Variants in RARB observed in about 807,000 individuals in gnomAD.
The protein encoded by RARB is HBV-activated protein.
In RARB, 17 loss-of-function variants were observed where a neutral mutation model predicts 51.9. The ratio of observed to expected loss-of-function variants is 0.33; its 90% CI spans 0.22 to 0.49. RARB has a LOEUF of 0.49. Ranked by LOEUF, RARB falls within the 20% of genes least tolerant of loss-of-function variation. The pLI, the probability that RARB is intolerant of heterozygous loss-of-function variation, is 0.99. For synonymous variants in RARB, 215 were observed against 195.4 expected (o/e 1.10, Z -0.84); for missense variants, 369 against 550.8 (o/e 0.67, Z 3.30).
chr3:25,318,990 A>C (rs530743495), intron 5 of RARB, among the ~76,000 whole-genome samples: 1 of 152,308 alleles, frequency 6.6e-6, no homozygotes, highest in African/African-American at 2.4e-5. Flanking sequence ...ATGTTTGATC[A>C]CTGAATAATT....
intron 2 of RARB, among the ~76,000 whole-genome samples, chr3:24,866,334 C>A (rs1012781378): frequency 6.6e-6 from 1 of 152,134 alleles, no homozygotes; most frequent in Admixed American, 6.5e-5. Context: ...CCACTCTACT[C>A]TCAACTCCTC....
intron 5 of RARB, among the ~76,000 whole-genome samples, chr3:25,182,511 A>T (rs1035961720): frequency 6.6e-6 from 1 of 152,152 alleles, no homozygotes; most frequent in Non-Finnish European, 1.5e-5. Flanking sequence ...CCCAAGGGGT[A>T]TAAAAGGGAC....
rs148770832 is a variant in RARB at position 25,147,127 on chromosome 3, T to C, written c.-280+14919T>C. Among the ~76,000 whole-genome samples, 249 of 152,288 alleles carry C rather than the reference T, an allele frequency of 1.6e-3. 1 individual carries two copies. The East Asian group carries it at 0.02, about 13-fold the overall frequency. On this transcript the variant is annotated intron_variant, in intron 4 of 11. Coordinates refer to the RARB transcript ENST00000383772. ...TAAACTCACGTGAAGATAAAATTCA[T>C]TGGGGGACACAATTTCCAGAGGTAT...
intron 5 of RARB, among the ~76,000 whole-genome samples, chr3:25,385,221 CTT>C (rs898094463): frequency 6.6e-6 from 1 of 152,188 alleles, no homozygotes; most frequent in Non-Finnish European, 1.5e-5. Context: ...GTCTCAAGCA[CTT>C]TTTCCTGACT....
chr3:25,027,733 C>A (rs1310173586), intron 2 of RARB, among the ~76,000 whole-genome samples: 1 of 152,040 alleles, frequency 6.6e-6, no homozygotes, highest in Non-Finnish European at 1.5e-5. Context: ...TATAAGTAAC[C>A]TATTTCAATG....
At chr3:24,997,339 C>G (rs1416459723) in intron 2 of RARB, among the ~76,000 whole-genome samples, 1 of 151,660 alleles carries the variant, frequency 6.6e-6, no homozygotes, top group African/African-American at 2.4e-5. Context: ...ACTTTCAGCA[C>G]ATGTGTGTCT....
At chr3:25,107,002 G>C (rs1252824439) in intron 3 of RARB, among the ~76,000 whole-genome samples, 1 of 152,002 alleles carries the variant, frequency 6.6e-6, no homozygotes, top group African/African-American at 2.4e-5. Flanking sequence ...CCGGGTTCAA[G>C]CAATTCTCCT....
rs868304041 is a variant in RARB at position 25,289,105 on chromosome 3, C to T, written c.178+114530C>T. ...CAGAGAAGCCTTTTCAGCTGTTTCACGTAGTGGATTAGAGCTCAGATTTAG... is the reference window on the plus strand; with the variant it reads ...CAGAGAAGCCTTTTCAGCTGTTTCATGTAGTGGATTAGAGCTCAGATTTAG... On this transcript the variant is annotated intron_variant, in intron 5 of 11. Transcript: ENST00000383772. Among the ~76,000 whole-genome samples, 14 of 152,194 alleles carry T rather than the reference C, an allele frequency of 9.2e-5. 1 individual carries two copies. The highest frequency in any genetic ancestry group is 1.9e-4 in the East Asian group (1 of 5,192).
intron 5 of RARB, among the ~76,000 whole-genome samples, chr3:25,246,858 G>A (rs867823732): frequency 6.6e-6 from 1 of 152,212 alleles, no homozygotes; most frequent in Non-Finnish European, 1.5e-5. Context: ...TGTGCTGGGA[G>A]ATCCACTGCT....
intron 2 of RARB, among the ~76,000 whole-genome samples, chr3:24,915,002 T>A (rs1291423700): frequency 6.6e-6 from 1 of 152,196 alleles, no homozygotes. Context: ...ATTATAGAGA[T>A]TGATATTGTT....
chr3:25,165,592 T>C (rs1222839046), intron 4 of RARB, among the ~76,000 whole-genome samples: 1 of 152,180 alleles, frequency 6.6e-6, no homozygotes, highest in Non-Finnish European at 1.5e-5. Context: ...ATATGTAGCA[T>C]GGAAACTGTT....
At chr3:25,489,711 TGAACCAAA>T (rs1269428600) in intron 2 of RARB, among the ~76,000 whole-genome samples, 2 of 152,204 alleles carry the variant, frequency 1.3e-5, no homozygotes, top group East Asian at 1.9e-4. Context: ...TGAGCAGTCC[TGAACCAAA>T]GAACAAGGCA....
At chr3:25,310,561 A>G (rs1322097345) in intron 5 of RARB, among the ~76,000 whole-genome samples, 1 of 152,176 alleles carries the variant, frequency 6.6e-6, no homozygotes, top group Non-Finnish European at 1.5e-5. Flanking sequence ...GTATGTTCAG[A>G]GTGATTCTTC....
intron 5 of RARB, among the ~76,000 whole-genome samples, chr3:25,305,719 T>G (rs1417385755): frequency 1.3e-5 from 2 of 152,146 alleles, no homozygotes; most frequent in African/African-American, 4.8e-5. Context: ...ATTCCATTTG[T>G]TGAAGAGCAG....
At chr3:25,301,730 C>T (rs1156467764) in intron 5 of RARB, among the ~76,000 whole-genome samples, 1 of 152,164 alleles carries the variant, frequency 6.6e-6, no homozygotes, top group Non-Finnish European at 1.5e-5. Flanking sequence ...CTGTCCCTAA[C>T]ATCTGAGGCT....
chr3:25,105,755 C>G (rs1000917735), intron 3 of RARB, among the ~76,000 whole-genome samples: 1 of 152,130 alleles, frequency 6.6e-6, no homozygotes, highest in Non-Finnish European at 1.5e-5. Flanking sequence ...GTCTAAATCA[C>G]AAATGCACAT....
At chr3:25,486,619 A>G (rs779758714) in intron 2 of RARB, among the ~76,000 whole-genome samples, 1 of 152,214 alleles carries the variant, frequency 6.6e-6, no homozygotes, top group African/African-American at 2.4e-5. Context: ...GAACAATTCT[A>G]TAGTCATTAT....
chr3:25,148,398 A>G (rs17517413), intron 4 of RARB, among the ~76,000 whole-genome samples: 1 of 152,216 alleles, frequency 6.6e-6, no homozygotes, highest in Non-Finnish European at 1.5e-5. Context: ...CAACCTTGAT[A>G]TGTTACAAAA....
chr3:25,087,655 A>G (rs1699127131), intron 3 of RARB, among the ~76,000 whole-genome samples: 1 of 152,142 alleles, frequency 6.6e-6, no homozygotes, highest in Admixed American at 6.6e-5. Context: ...TAGTGTTATA[A>G]TAGTAATGGA....
Sources: allele counts gnomAD v4.1 joint callset (sites outside exome capture counted in the v4.1 genomes callset), GRCh38; gene constraint gnomAD v4.1.1; transcripts MANE v1.5; gene names NCBI Gene and HGNC (gene_info 2026-07-23, HGNC 2026-07-21).